The following CEP152 variants were observed in gnomAD, a reference collection of about 807,000 sequenced individuals.
The protein encoded by CEP152 is centrosomal protein of 152 kDa.
Under a neutral mutation model 188.9 loss-of-function variants are expected in CEP152, and 132 were observed. That is an observed-to-expected ratio of 0.70 (90% CI 0.61 to 0.81). CEP152 has a LOEUF of 0.81. Ranked by LOEUF, CEP152 falls within the 30% of genes least tolerant of loss-of-function variation. The probability of loss-of-function intolerance (pLI) is 0.00; values close to 1 mark genes in which losing one functional copy is unlikely to be tolerated. For missense variants in CEP152, 1,914 were observed against 1,969.8 expected, an observed-to-expected ratio of 0.97 and a Z score of 0.54; for synonymous variants, 649 against 666.6, an observed-to-expected ratio of 0.97 and a Z score of 0.41.
intron 23 of CEP152, 88 bp downstream of exon 23, chr15:48,744,808 T>A: frequency 8.0e-7 from 1 of 1,246,462 alleles, no homozygotes; most frequent in South Asian, 1.5e-5. Context: ...TTTTGCTGTA[T>A]AACAAAAAAA....
rs9920293 is a variant in CEP152 at position 48,805,037 on chromosome 15, A to G, written c.87+526T>C. Reference sequence around the variant, plus strand: ...TCATGAGTCAAGTCTCAGCTCATATATTGCCTCCTCCCACAGACCCTCCCT... The same window carrying G: ...TCATGAGTCAAGTCTCAGCTCATATGTTGCCTCCTCCCACAGACCCTCCCT... On this transcript the variant is annotated intron_variant, in intron 2 of 26. Transcript: ENST00000380950. 2.8e-3 allele frequency among the ~76,000 whole-genome samples: 428 copies of G among 152,208 alleles called. 2 individuals carry two copies. The highest frequency in any genetic ancestry group is 9.9e-3 in the African/African-American group (410 of 41,514).
chr15:48,799,632 C>A (rs1897547559), intron 2 of CEP152, among the ~76,000 whole-genome samples: 2 of 152,072 alleles, frequency 1.3e-5, no homozygotes, highest in South Asian at 2.1e-4. Context: ...ATGCAAGGTA[C>A]TTGAAAAATC....
At position 48,756,607 on chromosome 15, in the gene CEP152, C is replaced by CA. The variant is rs1894296308; in HGVS notation, c.2695-55dup. On this transcript the variant is annotated intron_variant, in intron 19 of 26. Coordinates refer to ENST00000380950, the MANE Select transcript of CEP152 (RefSeq NM_001194998.2). ...AAGTCTTTATGATTCTCCTCCTTCG[C>CA]AAAAAAATTAAGGTAACTATTTTGG... The CA allele has an allele frequency of 9.7e-6, 15 of 1,547,448 alleles. No homozygotes were observed. The East Asian group carries it at 2.9e-4, about 30-fold the overall frequency.
Position 48,738,363 on chromosome 15 carries a change from T to G in CEP152, c.5019A>C (p.Lys1673Asn). The G allele has an allele frequency of 6.2e-7, 1 of 1,614,184 alleles. No individual in the cohort carries two copies. The highest frequency in any genetic ancestry group is 8.5e-7 in the Non-Finnish European group (1 of 1,180,004). Residue 1673 changes from lysine (K) to asparagine (N), a missense_variant, in exon 27 of 27, where the codon AAA (lysine) becomes AAC (asparagine). Physicochemically the swap from Lys to Asn is moderately conservative, Grantham distance 94 (BLOSUM62 0). Transcript: ENST00000380950. ...CTGAAGATGGTAATGTACTGCTCAGTTTTTTGAAATCTGACTTTAATCTAT... is the reference window on the plus strand; with the variant it reads ...CTGAAGATGGTAATGTACTGCTCAGGTTTTTGAAATCTGACTTTAATCTAT... ...KADRLKSDFK[K>N]LSSTLPSSVC...
chr15:48,804,994 T>C (rs1441066054), intron 2 of CEP152, among the ~76,000 whole-genome samples: 3 of 152,242 alleles, frequency 2.0e-5, no homozygotes, highest in Non-Finnish European at 4.4e-5. Flanking sequence ...CTCAGGCTTC[T>C]GCATGGCTGG....
chr15:48,748,438 C>T lies in CEP152; in HGVS notation c.3634+5G>A. 3.3e-6 allele frequency: 5 copies of T among 1,526,182 alleles called. 1 individual carries two copies. Among genetic ancestry groups the T allele is most frequent in the South Asian group, 2.4e-5 (2 of 81,836 alleles). 94.5% of individuals were successfully genotyped at this position (1,526,182 alleles called of 1,614,324 possible). ...ATTGGTAGCAGTGCTACTTTAAATG[C>T]TAACCTCCAATTTTTTCCACTACAG... On this transcript the variant is annotated splice_donor_5th_base_variant and intron_variant, in intron 22 of 26. Coordinates refer to ENST00000380950, the MANE Select transcript of CEP152 (RefSeq NM_001194998.2).
At chr15:48,740,301 C>G (rs1215303888) in intron 26 of CEP152, among the ~76,000 whole-genome samples, 1 of 152,116 alleles carries the variant, frequency 6.6e-6, no homozygotes, top group African/African-American at 2.4e-5. Flanking sequence ...AATATCAACA[C>G]TGCATTTGCT....
At position 48,739,019 on chromosome 15, in the gene CEP152, T is replaced by C. The variant is rs1892769077; in HGVS notation, c.4363A>G (p.Ser1455Gly). ...FGDGSCKHLN[S>G]LPRNVSPEFV... ...TCAGGAGAAACATTCCTTGGCAAACTGTTTAGGTGCTTGCAACTACCATCC... is the reference window on the plus strand; with the variant it reads ...TCAGGAGAAACATTCCTTGGCAAACCGTTTAGGTGCTTGCAACTACCATCC... The change falls in exon 27 of 27, where the codon AGT (serine) becomes GGT (glycine). Residue 1455 changes from serine to glycine, a missense_variant. By Grantham distance (56) the Ser-to-Gly change is moderately conservative (BLOSUM62 0). Coordinates refer to ENST00000380950, the MANE Select transcript of CEP152 (RefSeq NM_001194998.2). The C allele has an allele frequency of 6.2e-7, 1 of 1,614,174 alleles. No individual in the cohort carries two copies. The highest frequency in any genetic ancestry group is 8.5e-7 in the Non-Finnish European group (1 of 1,180,018).
rs1893025059 is a variant in CEP152 at position 48,742,108 on chromosome 15, G to A, written c.3836-8C>T. 2 of 1,613,746 alleles carry A rather than the reference G, an allele frequency of 1.2e-6. No individual in the cohort carries two copies. The highest frequency in any genetic ancestry group is 1.3e-5 in the African/African-American group (1 of 75,034). ...TATAACGAAGCATGTCACCTATAGGGAAGTGAGAAAATGCCCACAGAATGT... is the reference window on the plus strand; with the variant it reads ...TATAACGAAGCATGTCACCTATAGGAAAGTGAGAAAATGCCCACAGAATGT... On this transcript the variant is annotated splice_region_variant and splice_polypyrimidine_tract_variant and intron_variant, in intron 24 of 26. Coordinates refer to ENST00000380950, the MANE Select transcript of CEP152 (RefSeq NM_001194998.2).
chr15:48,802,904 T>A (rs1289939047), intron 2 of CEP152, among the ~76,000 whole-genome samples: 1 of 152,224 alleles, frequency 6.6e-6, no homozygotes, highest in African/African-American at 2.4e-5. Context: ...AAATCCCAAC[T>A]GGCACCAAAA....
At position 48,760,255 on chromosome 15, in the gene CEP152, A is replaced by T; in HGVS notation, c.2574T>A (p.Ala858=). ...CENITKQVEI[A]VQNAHQRWLG... ...GCCATCGCTGATGAGCATTTTGCAC[A>T]GCTATTTCTACCTGTAGGACATTGC... The change falls in exon 19 of 27, where the codon GCT becomes GCA. Residue 858 remains alanine (A), a synonymous_variant. Transcript: ENST00000380950. 1 of 1,614,088 alleles carries T rather than the reference A, an allele frequency of 6.2e-7. No homozygotes were observed. Among genetic ancestry groups the T allele is most frequent in the Non-Finnish European group, 8.5e-7 (1 of 1,179,966 alleles).
At position 48,738,302 on chromosome 15, in the gene CEP152, G is replaced by C; in HGVS notation, c.5080C>G (p.Leu1694Val). ...QQPSRKLIVP[L>V]SSQQDSGFDS... ...AAGCCACTATCTTGTTGGCTAGATA[G>C]CGGAACAATTAATTTTCTTGAAGGC... The change falls in exon 27 of 27, where the codon CTA becomes GTA. Residue 1694 changes from leucine to valine, a missense_variant. Leu to Val is a conservative substitution (Grantham distance 32). Transcript: ENST00000380950. 1 of 1,614,016 alleles carries C rather than the reference G, an allele frequency of 6.2e-7. No individual in the cohort carries two copies. Among genetic ancestry groups the C allele is most frequent in the Non-Finnish European group, 8.5e-7 (1 of 1,179,932 alleles).
intron 1 of CEP152, 60 bp from the exon 2 acceptor site, chr15:48,805,716 C>G: frequency 1.9e-6 from 3 of 1,606,654 alleles, no homozygotes; most frequent in Non-Finnish European, 2.6e-6. Context: ...CCAGGACAAA[C>G]TACATAAGAG....
chr15:48,789,067 T>C lies in CEP152; in HGVS notation c.973-66A>G, dbSNP rs576677567. 2.9e-6 allele frequency: 4 copies of C among 1,380,124 alleles called. No homozygotes were observed. In the Admixed American group the frequency reaches 6.8e-5, roughly 23 times the overall value. 85.5% of individuals were successfully genotyped at this position (1,380,124 alleles called of 1,614,324 possible). A position where few individuals can be genotyped will look rare whatever the true frequency, so the allele number is the denominator to read the frequency against. ...CAGAGTATTTTAGCTCTGTGCTGTCTATAAACTTTTACTTTTACTATAAAA... is the reference window on the plus strand; with the variant it reads ...CAGAGTATTTTAGCTCTGTGCTGTCCATAAACTTTTACTTTTACTATAAAA... On this transcript the variant is annotated intron_variant, in intron 8 of 26. Transcript: ENST00000380950.
intron 13 of CEP152, 34 bp from the exon 14 acceptor site, chr15:48,769,115 T>A: frequency 6.4e-7 from 1 of 1,559,950 alleles, no homozygotes; most frequent in Admixed American, 1.8e-5. Context: ...TTTACAAGTT[T>A]TAAAAAATTC....
At chr15:48,733,510 GCA>G (rs1309063000), downstream of CEP152, among the ~76,000 whole-genome samples, 1 of 152,106 alleles carries the variant, frequency 6.6e-6, no homozygotes, top group Non-Finnish European at 1.5e-5. Flanking sequence ...AAAGAAGAAT[GCA>G]CAGTGCCTCA....
At chr15:48,771,919 C>T (rs976201189) in intron 13 of CEP152, among the ~76,000 whole-genome samples, 2 of 152,166 alleles carry the variant, frequency 1.3e-5, no homozygotes, top group African/African-American at 4.8e-5. Flanking sequence ...AAAAACAGAA[C>T]TGTTTTACAG....
chr15:48,797,777 T>A, intron 3 of CEP152, 47 bp from the exon 4 acceptor site: 1 of 1,597,704 alleles, frequency 6.3e-7, no homozygotes, highest in Non-Finnish European at 8.6e-7. Flanking sequence ...CATTTATTTG[T>A]ACATAGATAA....
chr15:48,765,609 G>A (rs777173994), intron 17 of CEP152: 5 of 386,128 alleles, frequency 1.3e-5, no homozygotes, highest in South Asian at 5.5e-5. Flanking sequence ...TGACCTCTTT[G>A]AGAAAATTCC....
Sources: gnomAD v4.1 joint callset for allele counts (sites outside exome capture counted in the v4.1 genomes callset) on GRCh38, gnomAD v4.1.1 for gene constraint, MANE v1.5 for transcripts, NCBI Gene and HGNC (gene_info 2026-07-23, HGNC 2026-07-21) for gene names.